Variants in NFU1 observed in about 807,000 individuals in gnomAD.
NFU1 encodes NFU1 iron-sulfur cluster scaffold homolog, mitochondrial.
Under a neutral mutation model 32.2 loss-of-function variants are expected in NFU1, and 30 were observed. The ratio of observed to expected loss-of-function variants is 0.93; its 90% CI spans 0.70 to 1.26. The LOEUF is 1.26. NFU1 is among the 50% of genes most tolerant of loss of function. The pLI is 0.00. For missense variants in NFU1, 306 were observed against 306.6 expected (o/e 1.00, Z 0.02); for synonymous variants, 112 against 104.6 (o/e 1.07, Z -0.43).
chr2:69,412,472 C>T lies in NFU1; in HGVS notation c.484+2713G>A, dbSNP rs372988398. On this transcript the variant is annotated intron_variant, in intron 5 of 7. Coordinates refer to ENST00000410022, the MANE Select transcript of NFU1 (RefSeq NM_001002755.4). ...CATGATCTCAGCTCACTGCAACCTC[C>T]GCCTCCCAGATTCAAGCAATTCTTC... 1.2e-4 allele frequency among the ~76,000 whole-genome samples: 18 copies of T among 150,326 alleles called. No homozygotes were observed. The South Asian group carries it at 2.3e-3, about 19-fold the overall frequency.
chr2:69,405,024 G>A (rs1030213894), intron 6 of NFU1, among the ~76,000 whole-genome samples: 6 of 150,906 alleles, frequency 4.0e-5, no homozygotes, highest in African/African-American at 1.2e-4. Flanking sequence ...TGAGGTGGGC[G>A]GATCACAAGG....
chr2:69,430,172 G>C (rs1212140129), intron 2 of NFU1, among the ~76,000 whole-genome samples: 2 of 151,898 alleles, frequency 1.3e-5, no homozygotes, highest in Admixed American at 6.6e-5. Context: ...AATGTCATGA[G>C]ACTTACAACA....
intron 5 of NFU1, among the ~76,000 whole-genome samples, chr2:69,413,092 C>G (rs960928581): frequency 6.6e-6 from 1 of 150,940 alleles, no homozygotes; most frequent in Non-Finnish European, 1.5e-5. Flanking sequence ...CAAGACCAGA[C>G]CAGCCAACAT....
intron 2 of NFU1, among the ~76,000 whole-genome samples, chr2:69,427,571 T>C (rs375565973): frequency 4.2e-4 from 63 of 150,366 alleles, no homozygotes; most frequent in African/African-American, 1.4e-3. Context: ...TCCCAGCTAC[T>C]TGGGAGGCTG....
At chr2:69,401,555 T>C (rs1446562300) in intron 6 of NFU1, among the ~76,000 whole-genome samples, 2 of 152,248 alleles carry the variant, frequency 1.3e-5, no homozygotes, top group African/African-American at 2.4e-5. Flanking sequence ...CTTTTACAAA[T>C]AGTGCAGTTA....
rs1231943473 is a variant in NFU1 at position 69,419,388 on chromosome 2, AT to A, written c.369+149del. On this transcript the variant is annotated intron_variant, in intron 4 of 7. Coordinates refer to ENST00000410022, the MANE Select transcript of NFU1 (RefSeq NM_001002755.4). Reference sequence around the variant, plus strand: ...GCATATTTCGCTTGATTCTTGTGACATTTAGAGGACAAGAGAGTAAGACCCT... The same window carrying A: ...GCATATTTCGCTTGATTCTTGTGACATTAGAGGACAAGAGAGTAAGACCCT... 3 of 595,368 alleles carry A rather than the reference AT, an allele frequency of 5.0e-6. No homozygotes were observed. In the African/African-American group the frequency reaches 5.7e-5, roughly 11 times the overall value. 36.9% of individuals were successfully genotyped at this position (595,368 alleles called of 1,614,324 possible).
chr2:69,425,401 C>G (rs370750830), intron 2 of NFU1, among the ~76,000 whole-genome samples: 1 of 150,444 alleles, frequency 6.6e-6, no homozygotes, highest in East Asian at 2.0e-4. Context: ...TTCCCCCAGG[C>G]TAGAGTGAAG....
chr2:69,432,131 G>C (rs2104814316), intron 1 of NFU1, 126 bp from the exon 2 acceptor site: 1 of 676,070 alleles, frequency 1.5e-6, no homozygotes, highest in South Asian at 1.7e-5. Context: ...GAAATAATTA[G>C]AGAACTGACT....
At chr2:69,438,180 C>A (rs1673922702), upstream of NFU1, among the ~76,000 whole-genome samples, 3 of 151,918 alleles carry the variant, frequency 2.0e-5, no homozygotes. Flanking sequence ...GTTAGAAATC[C>A]TGGGCCCCAC....
At chr2:69,396,916 C>CA (rs1395573641) in intron 7 of NFU1, among the ~76,000 whole-genome samples, 3 of 151,466 alleles carry the variant, frequency 2.0e-5, no homozygotes, top group African/African-American at 7.3e-5. Flanking sequence ...ACTAAAAATA[C>CA]AAAAAATTAG....
intron 1 of NFU1, among the ~76,000 whole-genome samples, chr2:69,435,018 G>A (rs1673782211): frequency 6.6e-6 from 1 of 152,224 alleles, no homozygotes; most frequent in East Asian, 1.9e-4. Flanking sequence ...GGTTCTACAA[G>A]AGAGATGTTT....
At chr2:69,405,724 C>CT (rs149330922) in intron 6 of NFU1, among the ~76,000 whole-genome samples, 26 of 149,234 alleles carry the variant, frequency 1.7e-4, no homozygotes, top group East Asian at 9.8e-4. Context: ...AACATTAAGT[C>CT]TTTTTTTTTT....
intron 5 of NFU1, among the ~76,000 whole-genome samples, chr2:69,410,196 C>G (rs966761595): frequency 2.6e-5 from 4 of 152,142 alleles, no homozygotes; most frequent in Admixed American, 6.6e-5. Context: ...CTAGAGCAGC[C>G]TGGCCAACAT....
chr2:69,418,672 T>C (rs1673141090), intron 4 of NFU1, among the ~76,000 whole-genome samples: 1 of 151,842 alleles, frequency 6.6e-6, no homozygotes, highest in African/African-American at 2.4e-5. Flanking sequence ...GGTTTCACCA[T>C]GTTAGCCAGA....
chr2:69,404,407 A>C (rs1228649874), intron 6 of NFU1, among the ~76,000 whole-genome samples: 1 of 149,440 alleles, frequency 6.7e-6, no homozygotes, highest in African/African-American at 2.5e-5. Flanking sequence ...CAGGAGAATC[A>C]CTTGAACCTG....
chr2:69,412,718 C>T (rs145667313), intron 5 of NFU1, among the ~76,000 whole-genome samples: 1,782 of 152,060 alleles, frequency 0.012, 34 homozygotes, highest in African/African-American at 0.041. Context: ...ATTAACCAGG[C>T]ATGGTGGCAG....
intron 3 of NFU1, among the ~76,000 whole-genome samples, chr2:69,420,584 T>C (rs1222852141): frequency 6.6e-6 from 1 of 152,218 alleles, no homozygotes; most frequent in Admixed American, 6.5e-5. Context: ...ATATACATAG[T>C]ATCATATTGG....
chr2:69,405,038 G>C (rs1672652690), intron 6 of NFU1, among the ~76,000 whole-genome samples: 2 of 150,940 alleles, frequency 1.3e-5, no homozygotes, highest in South Asian at 4.3e-4. Flanking sequence ...CACAAGGTCA[G>C]GAGTTCAAGA....
At chr2:69,406,559 T>C (rs781727819) in intron 5 of NFU1, among the ~76,000 whole-genome samples, 11 of 152,118 alleles carry the variant, frequency 7.2e-5, no homozygotes, top group Non-Finnish European at 1.3e-4. Context: ...CTTCTGGAAA[T>C]TTCTGAAATG....
Sources: allele counts gnomAD v4.1 joint callset (sites outside exome capture counted in the v4.1 genomes callset), GRCh38; gene constraint gnomAD v4.1.1; transcripts MANE v1.5; gene names NCBI Gene and HGNC (gene_info 2026-07-23, HGNC 2026-07-21).